DELE1: variants seen among roughly 807,000 people sequenced by gnomAD.
DELE1 encodes the protein death ligand signal enhancer.
A neutral mutation model predicts 59.3 loss-of-function variants in DELE1; 54 were observed. The observed-to-expected ratio is 0.91, with a 90% CI of 0.73 to 1.14. The LOEUF is 1.14. Among genes scored for constraint, DELE1 ranks in the 50% most tolerant of loss-of-function variants. The pLI is 0.00. For synonymous variants in DELE1, 264 were observed against 259.1 expected, an observed-to-expected ratio of 1.02 and a Z score of -0.18; for missense variants, 636 against 643.9, an observed-to-expected ratio of 0.99 and a Z score of 0.13.
intron 7 of DELE1, among the ~76,000 whole-genome samples, chr5:141,931,436 G>A (rs1751900791): frequency 6.6e-6 from 1 of 152,162 alleles, no homozygotes; most frequent in African/African-American, 2.4e-5. Flanking sequence ...CTTTAAGCAG[G>A]AGCAGGAAAG....
At chr5:141,935,640 G>A (rs761116936) in intron 10 of DELE1, among the ~76,000 whole-genome samples, 3 of 152,190 alleles carry the variant, frequency 2.0e-5, no homozygotes, top group Non-Finnish European at 4.4e-5. Context: ...TCACCAACAG[G>A]TATCCACTGC....
intron 3 of DELE1, 96 bp downstream of exon 3, chr5:141,925,623 A>G (rs1047408785): frequency 1.5e-6 from 1 of 659,400 alleles, no homozygotes; most frequent in African/African-American, 1.9e-5. Context: ...CTAGGGAATC[A>G]CTGTGTCCAT....
At chr5:141,934,722 C>A in intron 10 of DELE1, 136 bp downstream of exon 10, 1 of 810,250 alleles carries the variant, frequency 1.2e-6, no homozygotes, top group Non-Finnish European at 2.0e-6. Flanking sequence ...CCTTAGCGCT[C>A]ACTGACTTAC....
At chr5:141,927,235 G>GT (rs1014096177) in intron 3 of DELE1, among the ~76,000 whole-genome samples, 2 of 152,128 alleles carry the variant, frequency 1.3e-5, no homozygotes, top group Admixed American at 6.5e-5. Context: ...CAACCTGTGT[G>GT]TTTTTTTTAG....
chr5:141,930,648 G>A (rs1157238152), intron 7 of DELE1, among the ~76,000 whole-genome samples: 1 of 152,220 alleles, frequency 6.6e-6, no homozygotes, highest in African/African-American at 2.4e-5. Context: ...ACTAGTTACT[G>A]TGTATGAAGG....
In DELE1 at chr5:141,929,619, A is replaced by G; in HGVS notation, c.450A>G (p.Pro150=). The part of the protein sequence containing the change: ...RQHILPSPDG[P]APRHTGLREP... ...ACATCCTCCCCAGCCCCGATGGCCC[A>G]GCTCCCAGGCACACTGGCCTCAGGG... Residue 150 remains proline (P), a synonymous_variant, in exon 5 of 12, where the codon CCA becomes CCG. Transcript: ENST00000432126. 6.2e-7 allele frequency: 1 copy of G among 1,614,094 alleles called. No individual in the cohort carries two copies. The highest frequency in any genetic ancestry group is 8.5e-7 in the Non-Finnish European group (1 of 1,180,022).
Position 141,938,633 on chromosome 5 carries a change from C to A in DELE1, c.1422C>A (p.Ser474Arg). The change falls in exon 12 of 12, where the codon AGC (serine) becomes AGA (arginine). Residue 474 changes from serine to arginine, a missense_variant. By Grantham distance (110) the Ser-to-Arg change is moderately radical. Coordinates refer to ENST00000432126, the MANE Select transcript of DELE1 (RefSeq NM_014773.5). ...AGTSRLPHASSTGNLGLLCRS... is the reference protein window; with the variant it reads ...AGTSRLPHASRTGNLGLLCRS... The stretch of plus-strand genomic sequence containing the variant: ...CCTCACGCCTACCACATGCCTCGAG[C>A]ACAGGCAACCTTGGCCTCCTCTGCA... The A allele has an allele frequency of 6.2e-7, 1 of 1,614,162 alleles. No homozygotes were observed. The highest frequency in any genetic ancestry group is 1.1e-5 in the South Asian group (1 of 91,082).
At chr5:141,925,666 C>A in intron 3 of DELE1, 139 bp downstream of exon 3, 1 of 505,562 alleles carries the variant, frequency 2.0e-6, no homozygotes, top group Non-Finnish European at 3.5e-6. Flanking sequence ...GGAGCATATT[C>A]AAGGAGATAT....
chr5:141,925,117 G>C (rs1434263986), intron 2 of DELE1, among the ~76,000 whole-genome samples: 2 of 151,938 alleles, frequency 1.3e-5, no homozygotes, highest in Admixed American at 1.3e-4. Flanking sequence ...TTTTAGTAGA[G>C]ACGGGGTTTC....
Position 141,929,636 on chromosome 5 carries a change from GC to G in DELE1, c.469del (p.Leu157SerfsTer23). Reference sequence around the variant, plus strand: ...GATGGCCCAGCTCCCAGGCACACTGGCCTCAGGGAACCCAGGCTTGGCCAGG... The same window carrying G: ...GATGGCCCAGCTCCCAGGCACACTGGCTCAGGGAACCCAGGCTTGGCCAGG... Reference protein sequence around the residue: ...SPDGPAPRHTGLREPRLGQEE... With the variant: ...SPDGPAPRHTXLREPRLGQEE... On this transcript the variant is annotated frameshift_variant, in exon 5 of 12. Transcript: ENST00000432126. LOFTEE classifies it high-confidence loss of function. The G allele has an allele frequency of 5.0e-6, 8 of 1,614,182 alleles. 1 individual carries two copies. Among genetic ancestry groups the G allele is most frequent in the Non-Finnish European group, 6.8e-6 (8 of 1,180,046 alleles).
At chr5:141,938,319 T>G (rs1199819428) in intron 11 of DELE1, among the ~76,000 whole-genome samples, 2 of 152,212 alleles carry the variant, frequency 1.3e-5, no homozygotes, top group Non-Finnish European at 2.9e-5. Context: ...GTAGCTGCTC[T>G]GATGATTTTG....
At chr5:141,933,988 T>C (rs1255923744) in intron 8 of DELE1, 2 of 320,264 alleles carry the variant, frequency 6.2e-6, no homozygotes, top group Non-Finnish European at 1.1e-5. Flanking sequence ...GTCTAACACA[T>C]ATATGTGAGA....
In DELE1 at chr5:141,937,195, T is replaced by A. The variant is rs1221995143; in HGVS notation, c.1150-3T>A. ...TCTGTTTGTCTGTCCATTTTCTCCT[T>A]AGGACTCACAGAGCAGGTACCACCT... On this transcript the variant is annotated splice_polypyrimidine_tract_variant and splice_region_variant and intron_variant, in intron 10 of 11. Coordinates refer to ENST00000432126, the MANE Select transcript of DELE1 (RefSeq NM_014773.5). 3 of 1,614,000 alleles carry A rather than the reference T, an allele frequency of 1.9e-6. No individual in the cohort carries two copies. Among genetic ancestry groups the A allele is most frequent in the Non-Finnish European group, 2.5e-6 (3 of 1,180,004 alleles).
chr5:141,923,873 T>G lies in DELE1; in HGVS notation c.-69T>G. ...GCCACTCGGGGCATCGCGGCGGCCT[T>G]TCTAGCCGCTGTCCCAAGGGTTGGT... On this transcript the variant is annotated 5_prime_UTR_variant, in exon 1 of 12. Transcript: ENST00000432126. 6.4e-7 allele frequency: 1 copy of G among 1,555,374 alleles called. No homozygotes were observed. The highest frequency in any genetic ancestry group is 1.2e-5 in the South Asian group (1 of 84,678).
chr5:141,926,600 T>G (rs1751443116), intron 3 of DELE1, among the ~76,000 whole-genome samples: 1 of 152,228 alleles, frequency 6.6e-6, no homozygotes, highest in African/African-American at 2.4e-5. Flanking sequence ...TCCCTGCTGC[T>G]TTCGTGCTGT....
chr5:141,928,292 T>C lies in DELE1; in HGVS notation c.406T>C (p.Cys136Arg). ...RFFSSPLWHP[C>R]SSLRQHILPS... ...CTTCTCATCTCCCTTGTGGCACCCA[T>C]GCTCCTGTGAGTTCTCAGTCCTGGG... The change falls in exon 4 of 12, where the codon TGC becomes CGC. Residue 136 changes from cysteine to arginine, a missense_variant. Transcript: ENST00000432126. 6.2e-7 allele frequency: 1 copy of C among 1,614,044 alleles called. No homozygotes were observed. The highest frequency in any genetic ancestry group is 8.5e-7 in the Non-Finnish European group (1 of 1,179,936).
In DELE1 at chr5:141,929,611, G is replaced by C; in HGVS notation, c.442G>C (p.Asp148His). ...GCGACAACACATCCTCCCCAGCCCC[G>C]ATGGCCCAGCTCCCAGGCACACTGG... ...SLRQHILPSP[D>H]GPAPRHTGLR... Residue 148 changes from aspartate to histidine, a missense_variant, in exon 5 of 12, where the codon GAT becomes CAT. Transcript: ENST00000432126. 6.2e-7 allele frequency: 1 copy of C among 1,614,004 alleles called. No homozygotes were observed. The highest frequency in any genetic ancestry group is 8.5e-7 in the Non-Finnish European group (1 of 1,180,024).
Position 141,933,405 on chromosome 5 carries a change from T to C in DELE1, c.897+4T>C. ...CACCCCCAGGGACATTAGCAAGGTA[T>C]TCCCCTGCCCCCAAGCCTGCCTTCT... is the stretch of plus-strand genomic sequence containing the variant. On this transcript the variant is annotated splice_donor_region_variant and intron_variant, in intron 8 of 11. Coordinates refer to ENST00000432126, the MANE Select transcript of DELE1 (RefSeq NM_014773.5). 1 of 1,478,744 alleles carries C rather than the reference T, an allele frequency of 6.8e-7. No homozygotes were observed. The highest frequency in any genetic ancestry group is 2.5e-5 in the East Asian group (1 of 39,748). The allele number at this position is 1,478,744 out of a possible 1,614,324, so 91.6% of individuals were successfully genotyped here.
rs1332836748 is a variant in DELE1 at position 141,941,491 on chromosome 5, C to A, written c.*2732C>A. 1 of 985,442 alleles carries A rather than the reference C, an allele frequency of 1.0e-6. No individual in the cohort carries two copies. The highest frequency in any genetic ancestry group is 1.2e-6 in the Non-Finnish European group (1 of 829,952). 61.0% of individuals were successfully genotyped at this position (985,442 alleles called of 1,614,324 possible). On this transcript the variant is annotated 3_prime_UTR_variant, in exon 12 of 12. Transcript: ENST00000432126. ...AGGGGGATGGGCTTCACTGGCAGAG[C>A]TGGGTACTGCTGTGCTTTTGCCATT...
Sources: allele counts gnomAD v4.1 joint callset (sites outside exome capture counted in the v4.1 genomes callset), GRCh38; gene constraint gnomAD v4.1.1; transcripts MANE v1.5; gene names NCBI Gene and HGNC (gene_info 2026-07-23, HGNC 2026-07-21).